The following ITIH2 variants were observed in gnomAD, a reference collection of about 807,000 sequenced individuals.
The protein encoded by ITIH2 is inter-alpha-trypsin inhibitor heavy chain 2.
In ITIH2, 103 loss-of-function variants were observed where a neutral mutation model predicts 104.4. The observed-to-expected ratio is 0.99, with a 90% CI of 0.84 to 1.16. The LOEUF (loss-of-function observed/expected upper bound fraction) is 1.16, where lower values mean the gene tolerates loss of function less well. Among genes scored for constraint, ITIH2 ranks in the 50% most tolerant of loss-of-function variants. The pLI is 0.00. For synonymous variants in ITIH2, 436 were observed against 435.4 expected, an observed-to-expected ratio of 1.00 and a Z score of -0.02; for missense variants, 1,108 against 1,162.4, an observed-to-expected ratio of 0.95 and a Z score of 0.68.
chr10:7,725,139 TGTACAA>T (rs1834940621), intron 9 of ITIH2, among the ~76,000 whole-genome samples: 1 of 152,202 alleles, frequency 6.6e-6, no homozygotes, highest in Non-Finnish European at 1.5e-5. Flanking sequence ...CAAGTACAAA[TGTACAA>T]GTACGTTCAA....
At chr10:7,723,120 C>T (rs992531087) in intron 8 of ITIH2, among the ~76,000 whole-genome samples, 6 of 31,138 alleles carry the variant, frequency 1.9e-4, no homozygotes, top group Non-Finnish European at 4.3e-4. Flanking sequence ...TGGTGTGGAG[C>T]GGAGTGCCCT....
chr10:7,715,860 C>T (rs1003152201), intron 5 of ITIH2, among the ~76,000 whole-genome samples: 5 of 152,110 alleles, frequency 3.3e-5, no homozygotes, highest in Non-Finnish European at 7.4e-5. Flanking sequence ...CCTGCCTCAG[C>T]CTCCCAAGCA....
At chr10:7,713,355 A>G in intron 5 of ITIH2, 70 bp downstream of exon 5, 1 of 1,191,058 alleles carries the variant, frequency 8.4e-7, no homozygotes, top group Non-Finnish European at 1.2e-6. Context: ...TCCTTCCCAC[A>G]GCAGCAAAGC....
chr10:7,731,507 C>T (rs940704605), intron 12 of ITIH2, among the ~76,000 whole-genome samples: 2 of 152,034 alleles, frequency 1.3e-5, no homozygotes, highest in Non-Finnish European at 2.9e-5. Flanking sequence ...GCAGGCAGAT[C>T]ACAAGACAGA....
intron 16 of ITIH2, among the ~76,000 whole-genome samples, chr10:7,742,883 A>T (rs1051545378): frequency 3.3e-5 from 5 of 152,188 alleles, no homozygotes; most frequent in Non-Finnish European, 5.9e-5. Context: ...TCTAGTATCT[A>T]GTCTAGTGCA....
At chr10:7,746,560 C>G (rs373820231) in intron 19 of ITIH2, 33 bp from the exon 20 acceptor site, 1 of 1,369,520 alleles carries the variant, frequency 7.3e-7, no homozygotes, top group South Asian at 1.2e-5. Context: ...ACTATGATTA[C>G]ATGTCAATCA....
At chr10:7,722,295 T>C (rs1588454611) in intron 8 of ITIH2, among the ~76,000 whole-genome samples, 2 of 147,984 alleles carry the variant, frequency 1.4e-5, no homozygotes, top group South Asian at 2.1e-4. Context: ...TCCAAGAGTC[T>C]CTCTAGGGAC....
At position 7,703,368 on chromosome 10, in the gene ITIH2, A is replaced by G; in HGVS notation, c.-67A>G. On this transcript the variant is annotated 5_prime_UTR_variant, in exon 1 of 21. Coordinates refer to ENST00000358415, the MANE Select transcript of ITIH2 (RefSeq NM_002216.3). ...TCTGCTGTTCCTTTGAACTTGGTTC[A>G]GTAGGAAGAAGTGATATCCTCCCCA... 1 of 1,032,272 alleles carries G rather than the reference A, an allele frequency of 9.7e-7. No individual in the cohort carries two copies. The highest frequency in any genetic ancestry group is 1.5e-6 in the Non-Finnish European group (1 of 651,492). 63.9% of individuals were successfully genotyped at this position (1,032,272 alleles called of 1,614,324 possible).
At chr10:7,738,434 C>G (rs1450457946) in intron 15 of ITIH2, among the ~76,000 whole-genome samples, 187 bp from the exon 16 acceptor site, 2 of 150,300 alleles carry the variant, frequency 1.3e-5, no homozygotes, top group Non-Finnish European at 2.9e-5. Flanking sequence ...CCAGAGAGAA[C>G]TGTATCACAG....
intron 5 of ITIH2, among the ~76,000 whole-genome samples, chr10:7,714,472 C>A (rs1318224667): frequency 1.3e-5 from 2 of 151,998 alleles, no homozygotes; most frequent in Non-Finnish European, 2.9e-5. Flanking sequence ...GTGCCTGGCC[C>A]ACGCTCACTA....
In ITIH2 at chr10:7,749,267, G is replaced by A; in HGVS notation, c.2774G>A (p.Gly925Glu). Residue 925 changes from glycine to glutamate, a missense_variant, in exon 21 of 21, where the codon GGA (glycine) becomes GAA (glutamate). Coordinates refer to ENST00000358415, the MANE Select transcript of ITIH2 (RefSeq NM_002216.3). ...TGGTTTGTGCACAACAGTGGAAAAG[G>A]ATTCATTGACGGGCATTACAAGGAT... The part of the protein sequence containing the change: ...TCWFVHNSGK[G>E]FIDGHYKDYF... 6.2e-7 allele frequency: 1 copy of A among 1,614,130 alleles called. No individual in the cohort carries two copies. Among genetic ancestry groups the A allele is most frequent in the Non-Finnish European group, 8.5e-7 (1 of 1,179,984 alleles).
intron 4 of ITIH2, among the ~76,000 whole-genome samples, chr10:7,711,000 C>T (rs559336895): frequency 1.0e-4 from 14 of 136,748 alleles, no homozygotes; most frequent in Middle Eastern, 3.7e-3. Flanking sequence ...TACACATGTG[C>T]CATGGTGGTT....
chr10:7,733,815 A>G (rs1162532165), intron 14 of ITIH2, among the ~76,000 whole-genome samples: 1 of 152,138 alleles, frequency 6.6e-6, no homozygotes, highest in Non-Finnish European at 1.5e-5. Context: ...GGTCTAAATG[A>G]GGCTGGGAAA....
At chr10:7,718,523 G>A (rs1834872423) in intron 6 of ITIH2, among the ~76,000 whole-genome samples, 1 of 151,516 alleles carries the variant, frequency 6.6e-6, no homozygotes, top group Non-Finnish European at 1.5e-5. Context: ...TTGTTTCTCA[G>A]TTATTTTTTT....
At chr10:7,737,485 A>G (rs1835067730) in intron 15 of ITIH2, among the ~76,000 whole-genome samples, 1 of 138,532 alleles carries the variant, frequency 7.2e-6, no homozygotes, top group South Asian at 2.2e-4. Context: ...TATCTGTAAT[A>G]TATAATTATA....
rs773742494 is a variant in ITIH2 at position 7,731,884 on chromosome 10, A to C, written c.1535A>C (p.Asp512Ala). 1 of 1,613,966 alleles carries C rather than the reference A, an allele frequency of 6.2e-7. No homozygotes were observed. The highest frequency in any genetic ancestry group is 1.1e-5 in the South Asian group (1 of 91,076). ...AACTATCCCCATACATCAGTCACGGACGTCACTCAAAACAATTTCCATAAC... is the reference window on the plus strand; with the variant it reads ...AACTATCCCCATACATCAGTCACGGCCGTCACTCAAAACAATTTCCATAAC... ...QFNYPHTSVT[D>A]VTQNNFHNYF... Residue 512 changes from aspartate to alanine, a missense_variant, in exon 13 of 21, where the codon GAC becomes GCC. Physicochemically the swap from Asp to Ala is moderately radical, Grantham distance 126. Coordinates refer to ENST00000358415, the MANE Select transcript of ITIH2 (RefSeq NM_002216.3).
intron 15 of ITIH2, among the ~76,000 whole-genome samples, chr10:7,737,424 T>C (rs1835066075): frequency 7.5e-6 from 1 of 133,006 alleles, no homozygotes; most frequent in African/African-American, 2.8e-5. Flanking sequence ...TATATATATA[T>C]ATACACGTGT....
chr10:7,741,997 G>T (rs1390250471), intron 16 of ITIH2, among the ~76,000 whole-genome samples: 1 of 152,122 alleles, frequency 6.6e-6, no homozygotes, highest in East Asian at 1.9e-4. Context: ...TGCCTGGGGG[G>T]CACTAATCAT....
At chr10:7,721,609 G>C (rs1834903583) in intron 7 of ITIH2, 40 bp from the exon 8 acceptor site, 9 of 1,597,478 alleles carry the variant, frequency 5.6e-6, no homozygotes, top group Non-Finnish European at 7.7e-6. Flanking sequence ...CACTGGGAAG[G>C]GGCTAGAGGC....
Sources: allele counts gnomAD v4.1 joint callset (sites outside exome capture counted in the v4.1 genomes callset), GRCh38; gene constraint gnomAD v4.1.1; transcripts MANE v1.5; gene names NCBI Gene and HGNC (gene_info 2026-07-23, HGNC 2026-07-21).